Variants in KATNIP observed in about 807,000 individuals in gnomAD.
KATNIP encodes katanin-interacting protein.
A neutral mutation model predicts 174.0 loss-of-function variants in KATNIP; 126 were observed. The observed-to-expected ratio is 0.72, with a 90% CI of 0.63 to 0.84. KATNIP has a LOEUF of 0.84. Among genes scored for constraint, KATNIP ranks in the 40% least tolerant of loss-of-function variants. The pLI, the probability that KATNIP is intolerant of heterozygous loss-of-function variation, is 0.00. For missense variants in KATNIP, 1,958 were observed against 2,109.7 expected (o/e 0.93, Z 1.41); for synonymous variants, 810 against 835.7 (o/e 0.97, Z 0.53).
chr16:27,765,124 A>G (rs916276652), intron 19 of KATNIP, among the ~76,000 whole-genome samples: 1 of 152,158 alleles, frequency 6.6e-6, no homozygotes, highest in Non-Finnish European at 1.5e-5. Flanking sequence ...GGAGTGGGGA[A>G]GGTTCTAGAA....
intron 12 of KATNIP, among the ~76,000 whole-genome samples, chr16:27,705,924 C>T (rs770065120): frequency 7.9e-5 from 12 of 152,138 alleles, no homozygotes; most frequent in Admixed American, 3.9e-4. Context: ...GCAATCCTCC[C>T]GCCTCAGCAT....
chr16:27,597,411 T>C (rs1299025208), intron 2 of KATNIP, among the ~76,000 whole-genome samples: 3 of 131,352 alleles, frequency 2.3e-5, no homozygotes, highest in African/African-American at 3.7e-5. Flanking sequence ...TCTTTTTTTT[T>C]TTTTTTTTTT....
intron 8 of KATNIP, among the ~76,000 whole-genome samples, chr16:27,690,413 A>G (rs997148387): frequency 1.3e-5 from 2 of 151,772 alleles, no homozygotes; most frequent in African/African-American, 4.8e-5. Flanking sequence ...ATAAAATGAA[A>G]GCCACCAGGC....
At chr16:27,743,340 G>A (rs2081174634) in intron 15 of KATNIP, among the ~76,000 whole-genome samples, 1 of 152,106 alleles carries the variant, frequency 6.6e-6, no homozygotes, top group Non-Finnish European at 1.5e-5. Flanking sequence ...GTATTAGGGA[G>A]TGTCTAGCAG....
chr16:27,696,008 G>A (rs58331860), intron 8 of KATNIP, among the ~76,000 whole-genome samples: 2,983 of 152,212 alleles, frequency 0.02, 74 homozygotes, highest in East Asian at 0.092. Flanking sequence ...TTTTTAGAGC[G>A]TCATTGTACT....
At chr16:27,702,141 C>T (rs2079125495) in intron 11 of KATNIP, among the ~76,000 whole-genome samples, 2 of 152,194 alleles carry the variant, frequency 1.3e-5, no homozygotes, top group African/African-American at 4.8e-5. Context: ...CCCTAAAGCT[C>T]TCAAATTGAC....
At chr16:27,600,905 AT>A (rs1214579094) in intron 2 of KATNIP, among the ~76,000 whole-genome samples, 1 of 151,382 alleles carries the variant, frequency 6.6e-6, no homozygotes, top group Non-Finnish European at 1.5e-5. Flanking sequence ...AATTTTTTGT[AT>A]TTTTTTAGTA....
intron 5 of KATNIP, chr16:27,644,417 C>CCATTCACA (rs1251459118): frequency 6.6e-6 from 1 of 152,166 alleles, no homozygotes; most frequent in Non-Finnish European, 1.5e-5. Context: ...GGTGCCAGCC[C>CCATTCACA]CATTCACAGG....
chr16:27,564,029 A>G (rs1436799590), intron 1 of KATNIP, among the ~76,000 whole-genome samples: 1 of 151,328 alleles, frequency 6.6e-6, no homozygotes, highest in East Asian at 1.9e-4. Context: ...TGCCCACTGC[A>G]CTCCAGCCTG....
chr16:27,559,817 G>C (rs2891085), intron 1 of KATNIP, among the ~76,000 whole-genome samples: 126,879 of 151,552 alleles, frequency 0.84, 53,176 homozygotes, highest in East Asian at 1. Flanking sequence ...CCCGTCTCTA[G>C]TAAAAATACA....
chr16:27,776,967 G>T lies in KATNIP; in HGVS notation c.4489G>T (p.Val1497Leu), dbSNP rs564356855. Residue 1497 changes from valine (V) to leucine (L), a missense_variant, in exon 25 of 28, where the codon GTG becomes TTG. Physicochemically the swap from Val to Leu is conservative, Grantham distance 32. This residue lies in a region of KATNIP where 383 missense variants were observed against 456.0 expected (regional missense o/e 0.84). Coordinates refer to ENST00000261588, the MANE Select transcript of KATNIP (RefSeq NM_015202.5). The surrounding 1 kb of genome is among the most constrained non-coding windows in gnomAD (Gnocchi z 4.7). ...TGTGATTTTCGATCTGCCTACCACC[G>T]TGTCAATGATCAAACTGTGGAATTA... is the stretch of plus-strand genomic sequence containing the variant. ...VYVIFDLPTT[V>L]SMIKLWNYAK... The T allele has an allele frequency of 6.2e-7, 1 of 1,613,838 alleles. No homozygotes were observed. The highest frequency in any genetic ancestry group is 1.3e-5 in the African/African-American group (1 of 74,928).
At position 27,718,442 on chromosome 16, in the gene KATNIP, TTC is replaced by T. The variant is rs1345109272; in HGVS notation, c.1606-3110_1606-3109del. 9.9e-5 allele frequency: 15 copies of T among 152,272 alleles called. 1 individual carries two copies. The highest frequency in any genetic ancestry group is 8.5e-4 in the Admixed American group (13 of 15,296). The allele number at this position is 152,272 out of a possible 1,614,324, so 9.4% of individuals were successfully genotyped here. ...GCCCTGGGCAGCTTCCCATCAGCCT[TTC>T]TCTCTGAGATCCTGTGTGTGGAGAG... is the stretch of plus-strand genomic sequence containing the variant. On this transcript the variant is annotated intron_variant, in intron 13 of 27. Coordinates refer to ENST00000261588, the MANE Select transcript of KATNIP (RefSeq NM_015202.5).
At chr16:27,594,808 C>T (rs575800690) in intron 2 of KATNIP, among the ~76,000 whole-genome samples, 94 of 152,180 alleles carry the variant, frequency 6.2e-4, no homozygotes, top group African/African-American at 2.2e-3. Context: ...TCTATGCCTC[C>T]GTTGAGGAAA....
At chr16:27,660,636 C>CTTTTT (rs367915880) in intron 6 of KATNIP, among the ~76,000 whole-genome samples, 1 of 142,268 alleles carries the variant, frequency 7.0e-6, no homozygotes, top group Non-Finnish European at 1.5e-5. Flanking sequence ...CATATCAGTA[C>CTTTTT]TTTTTTTTTT....
chr16:27,586,864 T>C (rs950208669), intron 2 of KATNIP, among the ~76,000 whole-genome samples: 4 of 148,516 alleles, frequency 2.7e-5, no homozygotes, highest in African/African-American at 9.8e-5. Flanking sequence ...AAACAGAAAC[T>C]GAAATAAGTA....
intron 2 of KATNIP, among the ~76,000 whole-genome samples, chr16:27,592,269 A>ATT (rs2075195132): frequency 1.2e-5 from 1 of 80,410 alleles, no homozygotes; most frequent in Non-Finnish European, 2.4e-5. Context: ...TGCATATATT[A>ATT]CTTTTTTTTT....
chr16:27,719,298 G>A (rs910745868), intron 13 of KATNIP, among the ~76,000 whole-genome samples: 1 of 152,164 alleles, frequency 6.6e-6, no homozygotes, highest in Non-Finnish European at 1.5e-5. Context: ...ACGGCCATCA[G>A]GGCTCCTGAG....
chr16:27,576,591 C>T (rs372124939), intron 2 of KATNIP, among the ~76,000 whole-genome samples: 7 of 151,958 alleles, frequency 4.6e-5, no homozygotes, highest in East Asian at 1.9e-4. Flanking sequence ...GCCTGGGCAA[C>T]GTGGTAAAAT....
Position 27,768,040 on chromosome 16 carries a change from C to T in KATNIP, c.3975+1566C>T, listed in dbSNP as rs12051045. Among the ~76,000 whole-genome samples, 10 of 152,186 alleles carry T rather than the reference C, an allele frequency of 6.6e-5. No individual in the cohort carries two copies. In the East Asian group the frequency reaches 1.2e-3, roughly 18 times the overall value. On this transcript the variant is annotated intron_variant, in intron 20 of 27. Coordinates refer to ENST00000261588, the MANE Select transcript of KATNIP (RefSeq NM_015202.5). ...GATGTTGGGCTGAGTTCCCATCTCA[C>T]AGGTCTGGGCCCCACCAGCCAGACA...
Sources: gnomAD v4.1 joint callset for allele counts (sites outside exome capture counted in the v4.1 genomes callset) on GRCh38, gnomAD v4.1.1 for gene constraint, gnomAD v4.1.1 regional missense constraint, Gnocchi (gnomAD v3.1) non-coding constraint, MANE v1.5 for transcripts, NCBI Gene and HGNC (gene_info 2026-07-23, HGNC 2026-07-21) for gene names.